Variants in ZNF521 observed in about 807,000 individuals in gnomAD.
The protein encoded by ZNF521 is LYST-interacting protein 3.
ZNF521 carries 14 observed loss-of-function variants against 105.5 expected under a neutral mutation model. The ratio of observed to expected loss-of-function variants is 0.13; its 90% CI spans 0.09 to 0.21. The LOEUF (loss-of-function observed/expected upper bound fraction) is 0.21. Ranked by LOEUF, ZNF521 falls within the 10% of genes least tolerant of loss-of-function variation. The probability of loss-of-function intolerance (pLI) is 1.00; values close to 1 mark genes in which losing one functional copy is unlikely to be tolerated. For missense variants in ZNF521, 1,233 were observed against 1,629.7 expected (o/e 0.76, Z 4.19); for synonymous variants, 635 against 606.0 (o/e 1.05, Z -0.70).
chr18:25,264,333 T>C (rs1201592058), intron 3 of ZNF521, among the ~76,000 whole-genome samples: 1 of 152,242 alleles, frequency 6.6e-6, no homozygotes, highest in Non-Finnish European at 1.5e-5. Context: ...AGATATATTT[T>C]TGTCATTAAC....
chr18:25,324,293 T>C (rs143628693), intron 2 of ZNF521, among the ~76,000 whole-genome samples: 183 of 151,106 alleles, frequency 1.2e-3, no homozygotes, highest in African/African-American at 4.1e-3. Flanking sequence ...CAGTTACCTG[T>C]AAAGTAAAAA....
At chr18:25,307,653 A>C (rs1465183422) in intron 3 of ZNF521, among the ~76,000 whole-genome samples, 1 of 152,122 alleles carries the variant, frequency 6.6e-6, no homozygotes, top group African/African-American at 2.4e-5. Context: ...TTTCTCATAC[A>C]CTAGAGTTGA....
chr18:25,345,910 C>T (rs1238048746), intron 2 of ZNF521, among the ~76,000 whole-genome samples: 2 of 152,140 alleles, frequency 1.3e-5, no homozygotes, highest in Non-Finnish European at 2.9e-5. Context: ...TTTTAGCATA[C>T]AAGTCCAAAA....
chr18:25,147,603 C>T (rs1286542242), intron 5 of ZNF521, among the ~76,000 whole-genome samples: 1 of 152,096 alleles, frequency 6.6e-6, no homozygotes, highest in Non-Finnish European at 1.5e-5. Context: ...TAATATTGAT[C>T]TTTAAACAAA....
intron 7 of ZNF521, among the ~76,000 whole-genome samples, chr18:25,078,993 T>C (rs999638661): frequency 6.6e-5 from 10 of 152,360 alleles, no homozygotes; most frequent in African/African-American, 2.4e-4. Flanking sequence ...TCTTGGCTTC[T>C]TTCACTTTAG....
Position 25,195,144 on chromosome 18 carries a change from T to G in ZNF521, c.3658+16A>C, listed in dbSNP as rs773250934. ...AAGAAACATCTATCTGTAATAAGGT[T>G]TAGAGTGTCACTCACCAATCATGTG... On this transcript the variant is annotated intron_variant, in intron 5 of 7. Coordinates refer to ENST00000361524, the MANE Select transcript of ZNF521 (RefSeq NM_015461.3). 6.3e-7 allele frequency: 1 copy of G among 1,585,030 alleles called. No individual in the cohort carries two copies. Among genetic ancestry groups the G allele is most frequent in the South Asian group, 1.1e-5 (1 of 89,312 alleles).
intron 5 of ZNF521, among the ~76,000 whole-genome samples, chr18:25,146,861 T>C (rs974095262): frequency 1.3e-5 from 2 of 152,158 alleles, no homozygotes; most frequent in Admixed American, 6.5e-5. Context: ...GATAAACCCT[T>C]TATACCTAGA....
In ZNF521 at chr18:25,204,119, T is replaced by G. The variant is rs1018319378; in HGVS notation, c.3574-8875A>C. On this transcript the variant is annotated intron_variant, in intron 4 of 7. Transcript: ENST00000361524. Reference sequence around the variant, plus strand: ...CAAGAAGTGGAGCAGGTGGTAGCACTGCAGAACTGTGAGCCAATTAAGCCA... The same window carrying G: ...CAAGAAGTGGAGCAGGTGGTAGCACGGCAGAACTGTGAGCCAATTAAGCCA... 5.3e-5 allele frequency among the ~76,000 whole-genome samples: 8 copies of G among 152,362 alleles called. No homozygotes were observed. In the South Asian group the frequency reaches 1.2e-3, roughly 24 times the overall value.
intron 5 of ZNF521, among the ~76,000 whole-genome samples, chr18:25,158,449 C>G (rs1046174870): frequency 6.6e-5 from 10 of 152,062 alleles, no homozygotes; most frequent in Non-Finnish European, 1.5e-4. Flanking sequence ...TGGCCATAAT[C>G]ATCAAAAATA....
chr18:25,146,287 C>T (rs2034942023), intron 5 of ZNF521, among the ~76,000 whole-genome samples: 1 of 152,044 alleles, frequency 6.6e-6, no homozygotes. Context: ...AAAAGAGTTG[C>T]TTAATTCTCA....
In ZNF521 at chr18:25,226,243, C is replaced by A. The variant is rs777403127; in HGVS notation, c.1675G>T (p.Val559Phe). 1 of 1,614,228 alleles carries A rather than the reference C, an allele frequency of 6.2e-7. No individual in the cohort carries two copies. The highest frequency in any genetic ancestry group is 1.1e-5 in the South Asian group (1 of 91,080). The part of the protein sequence containing the change: ...LGTPKEPVVE[V>F]YSCSYCTNSP... ...TTTGTACAATAGGAACAAGAATAGA[C>A]TTCTACTACTGGTTCTTTGGGAGTC... The change falls in exon 4 of 8, where the codon GTC becomes TTC. Residue 559 changes from valine to phenylalanine, a missense_variant. Around this residue, in one of 6 missense-constraint regions of ZNF521, gnomAD observed 380 missense variants for 478.0 expected, o/e 0.80. Transcript: ENST00000361524. The surrounding 1 kb of genome is among the most constrained non-coding windows in gnomAD (Gnocchi z 4.1).
chr18:25,303,468 T>C (rs1007627750), intron 3 of ZNF521, among the ~76,000 whole-genome samples: 1 of 152,068 alleles, frequency 6.6e-6, no homozygotes, highest in Non-Finnish European at 1.5e-5. Flanking sequence ...CGGCTAATTT[T>C]TGTAGTTTTA....
intron 5 of ZNF521, among the ~76,000 whole-genome samples, chr18:25,176,871 A>ACACT (rs1416249055): frequency 6.6e-6 from 1 of 152,240 alleles, no homozygotes; most frequent in African/African-American, 2.4e-5. Flanking sequence ...GTGCACGCAC[A>ACACT]CACTCATAAG....
chr18:25,158,973 G>A (rs935106356), intron 5 of ZNF521, among the ~76,000 whole-genome samples: 8 of 151,036 alleles, frequency 5.3e-5, no homozygotes, highest in Non-Finnish European at 8.9e-5. Context: ...AAAAAAGAAA[G>A]GTAAAACTAC....
intron 7 of ZNF521, among the ~76,000 whole-genome samples, chr18:25,069,833 A>G (rs1298688828): frequency 6.6e-6 from 1 of 152,222 alleles, no homozygotes; most frequent in Non-Finnish European, 1.5e-5. Flanking sequence ...TTATTATGAC[A>G]CAGCAATGGC....
At chr18:25,097,977 CGGG>C (rs966582203) in intron 5 of ZNF521, among the ~76,000 whole-genome samples, 1 of 151,944 alleles carries the variant, frequency 6.6e-6, no homozygotes, top group Non-Finnish European at 1.5e-5. Context: ...TTAAAGAGCC[CGGG>C]GGCTGCCTAG....
intron 3 of ZNF521, among the ~76,000 whole-genome samples, chr18:25,263,155 C>G (rs540963921): frequency 6.6e-6 from 1 of 152,290 alleles, no homozygotes; most frequent in African/African-American, 2.4e-5. Flanking sequence ...CAGAATGAGT[C>G]TCACTTAGCC....
chr18:25,290,669 G>A (rs1352455349), intron 3 of ZNF521, among the ~76,000 whole-genome samples: 1 of 141,422 alleles, frequency 7.1e-6, no homozygotes, highest in Non-Finnish European at 1.5e-5. Flanking sequence ...GGAGTACAGT[G>A]GTGTGATCTT....
chr18:25,207,141 A>G (rs952588404), intron 4 of ZNF521, among the ~76,000 whole-genome samples: 7 of 152,178 alleles, frequency 4.6e-5, no homozygotes. Context: ...TATATAGGGT[A>G]TTGTGGAGTT....
Sources: gnomAD v4.1 joint callset for allele counts (sites outside exome capture counted in the v4.1 genomes callset) on GRCh38, gnomAD v4.1.1 for gene constraint, gnomAD v4.1.1 regional missense constraint, Gnocchi (gnomAD v3.1) non-coding constraint, MANE v1.5 for transcripts, NCBI Gene and HGNC (gene_info 2026-07-23, HGNC 2026-07-21) for gene names.